KCNH6: variants seen among roughly 807,000 people sequenced by gnomAD.
KCNH6 encodes voltage-gated inwardly rectifying potassium channel KCNH6.
A neutral mutation model predicts 83.4 loss-of-function variants in KCNH6; 81 were observed. The ratio of observed to expected loss-of-function variants is 0.97; its 90% CI spans 0.81 to 1.17. The LOEUF (loss-of-function observed/expected upper bound fraction) is 1.17, where lower values mean the gene tolerates loss of function less well. Among genes scored for constraint, KCNH6 ranks in the 50% most tolerant of loss-of-function variants. The pLI is 0.00. For synonymous variants in KCNH6, 503 were observed against 545.6 expected (o/e 0.92, Z 1.09); for missense variants, 1,203 against 1,290.5 (o/e 0.93, Z 1.04).
intron 1 of KCNH6, 133 bp from the exon 2 acceptor site, chr17:63,524,006 C>G (rs2031520211): frequency 1.4e-6 from 1 of 722,062 alleles, no homozygotes; most frequent in Non-Finnish European, 2.5e-6. Flanking sequence ...CTGACTCCCT[C>G]CCTCATTCCG....
At chr17:63,544,961 AG>A in intron 11 of KCNH6, 116 bp from the exon 12 acceptor site, 3 of 975,408 alleles carry the variant, frequency 3.1e-6, no homozygotes, top group Non-Finnish European at 4.7e-6. Flanking sequence ...AGCTTCAGGT[AG>A]GCCCCAGGCC....
In KCNH6 at chr17:63,523,569, C is replaced by A; in HGVS notation, c.76+80C>A. On this transcript the variant is annotated intron_variant, in intron 1 of 12. Transcript: ENST00000314672. The surrounding 1 kb of genome is among the most constrained non-coding windows in gnomAD (Gnocchi z 4.2). ...AGGGGGGGCTGGACCCCTTTACTAA[C>A]TTCTAACCGGGCAAGGTGGTGAGTG... is the stretch of plus-strand genomic sequence containing the variant. 1 of 1,359,046 alleles carries A rather than the reference C, an allele frequency of 7.4e-7. No individual in the cohort carries two copies. Among genetic ancestry groups the A allele is most frequent in the Non-Finnish European group, 1.0e-6 (1 of 984,712 alleles). 84.2% of individuals were successfully genotyped at this position (1,359,046 alleles called of 1,614,324 possible). A position where few individuals can be genotyped will look rare whatever the true frequency, so the allele number is the denominator to read the frequency against.
intron 2 of KCNH6, among the ~76,000 whole-genome samples, chr17:63,528,997 G>C (rs2031907037): frequency 6.6e-6 from 1 of 152,172 alleles, no homozygotes. Flanking sequence ...ACCACGCCTG[G>C]CTAATTTTTG....
In KCNH6 at chr17:63,545,265, G is replaced by A. The variant is rs1032210244; in HGVS notation, c.2583+1G>A. 1.2e-6 allele frequency: 2 copies of A among 1,613,114 alleles called. No individual in the cohort carries two copies. The highest frequency in any genetic ancestry group is 1.7e-6 in the Non-Finnish European group (2 of 1,179,910). On this transcript the variant is annotated splice_donor_variant, in intron 12 of 12. Coordinates refer to ENST00000314672, the MANE Select transcript of KCNH6 (RefSeq NM_001278919.2). LOFTEE classifies it high-confidence loss of function. The stretch of plus-strand genomic sequence containing the variant: ...CCAGGGCTTTCTGCCTCCTGCACAG[G>A]TAAGAGGTGAGGGGATTCCCAGGGG...
chr17:63,547,375 T>A (rs1275605841), downstream of KCNH6, among the ~76,000 whole-genome samples: 1 of 2,384 alleles, frequency 4.2e-4, no homozygotes, highest in Non-Finnish European at 9.1e-4. Context: ...ACTCACACCC[T>A]GGGCAAGGGA....
At chr17:63,544,109 A>C (rs1473345318) in intron 10 of KCNH6, 140 bp from the exon 11 acceptor site, 2 of 1,607,992 alleles carry the variant, frequency 1.2e-6, no homozygotes, top group African/African-American at 1.3e-5. Flanking sequence ...CTTGTGCTCC[A>C]GGGCACCCAG....
intron 6 of KCNH6, 141 bp from the exon 7 acceptor site, chr17:63,537,924 C>A: frequency 1.3e-6 from 1 of 774,064 alleles, no homozygotes; most frequent in Non-Finnish European, 2.1e-6. Flanking sequence ...TGCCCTGGCG[C>A]TGTCCTGGTC....
chr17:63,547,045 G>A (rs930010395), downstream of KCNH6, among the ~76,000 whole-genome samples: 1 of 152,112 alleles, frequency 6.6e-6, no homozygotes, highest in Non-Finnish European at 1.5e-5. Context: ...CAACCCCAAC[G>A]GGTTGGTATT....
At chr17:63,530,010 C>A in intron 2 of KCNH6, 81 bp from the exon 3 acceptor site, 1 of 1,488,550 alleles carries the variant, frequency 6.7e-7, no homozygotes, top group Non-Finnish European at 9.2e-7. Context: ...TTGACCTTCA[C>A]TCAGCCCCTT....
At position 63,533,843 on chromosome 17, in the gene KCNH6, A is replaced by T. The variant is rs1173424180; in HGVS notation, c.676-43A>T. 6.4e-7 allele frequency: 1 copy of T among 1,573,136 alleles called. No individual in the cohort carries two copies. On this transcript the variant is annotated intron_variant, in intron 4 of 12. Transcript: ENST00000314672. The surrounding 1 kb of genome is among the most constrained non-coding windows in gnomAD (Gnocchi z 4.1). ...AGCCCTCTAGGCCAGTCTCACCAGC[A>T]GTGGCTGCCCCGTGCCTGACCTCCC...
rs773796781 is a variant in KCNH6 at position 63,538,310 on chromosome 17, C to A, written c.1701+46C>A. 3 of 1,611,042 alleles carry A rather than the reference C, an allele frequency of 1.9e-6. No individual in the cohort carries two copies. Among genetic ancestry groups the A allele is most frequent in the African/African-American group, 1.3e-5 (1 of 74,876 alleles). Reference sequence around the variant, plus strand: ...TAATGCCCCGGGCGTGGGGGGGAGCCAAGATCCTGCGGGGGCGGGGCGTCC... The same window carrying A: ...TAATGCCCCGGGCGTGGGGGGGAGCAAAGATCCTGCGGGGGCGGGGCGTCC... On this transcript the variant is annotated intron_variant, in intron 7 of 12. Transcript: ENST00000314672. The surrounding 1 kb of genome is among the most constrained non-coding windows in gnomAD (Gnocchi z 4.0).
At chr17:63,542,482 C>G (rs2032924282) in intron 9 of KCNH6, 48 bp downstream of exon 9, 1 of 1,537,702 alleles carries the variant, frequency 6.5e-7, no homozygotes, top group African/African-American at 1.4e-5. Flanking sequence ...GCCCAGGCAG[C>G]CTGCCTGGCC....
chr17:63,534,941 T>C lies in KCNH6; in HGVS notation c.1101+630T>C, dbSNP rs1326412595. ...CCACCCCTCAACAAATCCACCCTCCTACCTTGCTGCCCCCACCTGGACACT... is the reference window on the plus strand; with the variant it reads ...CCACCCCTCAACAAATCCACCCTCCCACCTTGCTGCCCCCACCTGGACACT... On this transcript the variant is annotated intron_variant, in intron 5 of 12. Transcript: ENST00000314672. The surrounding 1 kb of genome is among the most constrained non-coding windows in gnomAD (Gnocchi z 5.0). Among the ~76,000 whole-genome samples, 1 of 151,926 alleles carries C rather than the reference T, an allele frequency of 6.6e-6. No homozygotes were observed. The highest frequency in any genetic ancestry group is 1.5e-5 in the Non-Finnish European group (1 of 67,960).
rs1217529863 is a variant in KCNH6 at position 63,533,090 on chromosome 17, C to G, written c.676-796C>G. Among the ~76,000 whole-genome samples the G allele has an allele frequency of 2.0e-5, 3 of 152,076 alleles. No homozygotes were observed. The highest frequency in any genetic ancestry group is 7.2e-5 in the African/African-American group (3 of 41,386). ...ACCGGGGAGGCCTGGCTTCAGTACC[C>G]ATGCCCTTCCTAATGCCCTGGCTGT... On this transcript the variant is annotated intron_variant, in intron 4 of 12. Transcript: ENST00000314672. This position sits in a 1 kb window ranked among gnomAD's most constrained non-coding sequence, Gnocchi z 4.1.
In KCNH6 at chr17:63,536,005, G is replaced by C. The variant is rs574008965; in HGVS notation, c.1438G>C (p.Gly480Arg). The C allele has an allele frequency of 6.2e-7, 1 of 1,613,836 alleles. No homozygotes were observed. Reference sequence around the variant, plus strand: ...CAGCAGCCTCACCAGCGTGGGCTTCGGCAATGTCTCGCCCAACACCAACTC... The same window carrying C: ...CAGCAGCCTCACCAGCGTGGGCTTCCGCAATGTCTCGCCCAACACCAACTC... ...TFSSLTSVGF[G>R]NVSPNTNSEK... The change falls in exon 6 of 13, where the codon GGC (glycine) becomes CGC (arginine). Residue 480 changes from glycine to arginine, a missense_variant. By Grantham distance (125) the Gly-to-Arg change is moderately radical (BLOSUM62 -2). Coordinates refer to ENST00000314672, the MANE Select transcript of KCNH6 (RefSeq NM_001278919.2).
intron 8 of KCNH6, among the ~76,000 whole-genome samples, chr17:63,540,271 G>A (rs2032781387): frequency 6.6e-6 from 1 of 151,930 alleles, no homozygotes; most frequent in South Asian, 2.1e-4. Flanking sequence ...ATCCCTACTA[G>A]AAATACAAAA....
chr17:63,540,941 C>T (rs556110886), intron 8 of KCNH6, among the ~76,000 whole-genome samples: 4 of 152,298 alleles, frequency 2.6e-5, no homozygotes, highest in South Asian at 4.1e-4. Context: ...CTCGACACAG[C>T]CCCCACTTCA....
In KCNH6 at chr17:63,530,436, A is replaced by T; in HGVS notation, c.569A>T (p.Glu190Val). ...CCACAGTTCACGCTCAACTTCGTGG[A>T]GTTCAACTTGGAGAAGCACCGCTCC... ...QIPQFTLNFV[E>V]FNLEKHRSSS... The change falls in exon 4 of 13, where the codon GAG becomes GTG. Residue 190 changes from glutamate (E) to valine (V), a missense_variant. By Grantham distance (121) the Glu-to-Val change is moderately radical. Transcript: ENST00000314672. 6.2e-7 allele frequency: 1 copy of T among 1,614,204 alleles called. No individual in the cohort carries two copies. The highest frequency in any genetic ancestry group is 8.5e-7 in the Non-Finnish European group (1 of 1,180,036).
chr17:63,535,979 T>C lies in KCNH6; in HGVS notation c.1412T>C (p.Phe471Ser), dbSNP rs1390518728. 1 of 1,613,790 alleles carries C rather than the reference T, an allele frequency of 6.2e-7. No individual in the cohort carries two copies. The highest frequency in any genetic ancestry group is 1.1e-5 in the South Asian group (1 of 91,086). Residue 471 changes from phenylalanine (F) to serine (S), a missense_variant, in exon 6 of 13, where the codon TTC (phenylalanine) becomes TCC (serine). Physicochemically the swap from Phe to Ser is radical, Grantham distance 155. Transcript: ENST00000314672. This position sits in a 1 kb window ranked among gnomAD's most constrained non-coding sequence, Gnocchi z 4.9. ...TATGTCACAGCCCTCTACTTCACCT[T>C]CAGCAGCCTCACCAGCGTGGGCTTC... ...DKYVTALYFTFSSLTSVGFGN... is the reference protein window; with the variant it reads ...DKYVTALYFTSSSLTSVGFGN...
Sources: gnomAD v4.1 joint callset for allele counts (sites outside exome capture counted in the v4.1 genomes callset) on GRCh38, gnomAD v4.1.1 for gene constraint, Gnocchi (gnomAD v3.1) non-coding constraint, MANE v1.5 for transcripts, NCBI Gene and HGNC (gene_info 2026-07-23, HGNC 2026-07-21) for gene names.